TENM3: variants seen among roughly 807,000 people sequenced by gnomAD.
TENM3 encodes the protein teneurin transmembrane protein 3, also known as teneurin-3.
A neutral mutation model predicts 255.1 loss-of-function variants in TENM3; 63 were observed. That is an observed-to-expected ratio of 0.25 (90% CI 0.20 to 0.30). The LOEUF (loss-of-function observed/expected upper bound fraction) is 0.30. TENM3 is among the 10% of genes least tolerant of loss of function. The pLI is 1.00. For synonymous variants in TENM3, 1,306 were observed against 1,322.3 expected (o/e 0.99, Z 0.27); for missense variants, 2,929 against 3,461.1 (o/e 0.85, Z 3.86).
chr4:182,186,818 C>G (rs1334843892), intron 1 of TENM3, among the ~76,000 whole-genome samples: 1 of 56,212 alleles, frequency 1.8e-5, no homozygotes, highest in African/African-American at 6.5e-5. Context: ...TATATATGGT[C>G]CTACCCTGTT....
intron 18 of TENM3, among the ~76,000 whole-genome samples, chr4:182,739,595 T>C (rs180776764): frequency 3.9e-5 from 6 of 152,374 alleles, no homozygotes; most frequent in Admixed American, 2.0e-4. Flanking sequence ...TAAATGTTTA[T>C]AGCTAATGGT....
the TENM3 span, among the ~76,000 whole-genome samples, chr4:181,692,943 A>G: frequency 6.6e-6 from 1 of 152,178 alleles, no homozygotes; most frequent in Non-Finnish European, 1.5e-5. Flanking sequence ...CTACTCGAAG[A>G]GTTCAGTGCT....
At chr4:182,759,808 G>A (rs10028158) in intron 22 of TENM3, among the ~76,000 whole-genome samples, 20,414 of 152,186 alleles carry the variant, frequency 0.13, 1,688 homozygotes, top group Non-Finnish European at 0.17. Context: ...GGTTTCTTTA[G>A]CATGGTAACT....
the TENM3 span, among the ~76,000 whole-genome samples, chr4:181,869,295 A>G: frequency 2.1e-4 from 32 of 152,136 alleles, no homozygotes; most frequent in African/African-American, 7.5e-4. Context: ...AGTCCTCTAT[A>G]TACCTATGTC....
At chr4:182,769,073 A>T (rs1763957551) in intron 22 of TENM3, among the ~76,000 whole-genome samples, 1 of 152,246 alleles carries the variant, frequency 6.6e-6, no homozygotes. Context: ...CTAGTTCACC[A>T]CTAAGGCCAA....
At chr4:181,497,363 T>C in the TENM3 span, among the ~76,000 whole-genome samples, 1 of 152,202 alleles carries the variant, frequency 6.6e-6, no homozygotes, top group South Asian at 2.1e-4. Flanking sequence ...CTATAGAAGA[T>C]GCATATTTTT....
the TENM3 span, among the ~76,000 whole-genome samples, chr4:182,053,241 C>G: frequency 3.9e-5 from 6 of 152,290 alleles, no homozygotes; most frequent in Non-Finnish European, 7.3e-5. Context: ...AGTTGGAGGG[C>G]ATATTTCCCA....
At chr4:182,114,966 GA>G in the TENM3 span, among the ~76,000 whole-genome samples, 1,284 of 152,192 alleles carry the variant, frequency 8.4e-3, 11 homozygotes, top group South Asian at 0.02. Flanking sequence ...CAGATCACTT[GA>G]GGTCAGGAGT....
At chr4:182,083,137 G>A in the TENM3 span, among the ~76,000 whole-genome samples, 4 of 152,274 alleles carry the variant, frequency 2.6e-5, no homozygotes, top group African/African-American at 9.6e-5. Context: ...TATATTAGAA[G>A]ACCTACAACT....
chr4:182,695,541 G>A (rs1757337980), intron 12 of TENM3, among the ~76,000 whole-genome samples: 1 of 152,162 alleles, frequency 6.6e-6, no homozygotes, highest in Non-Finnish European at 1.5e-5. Context: ...CATATGAGGT[G>A]TGAAATCACT....
chr4:182,621,638 TA>T, intron 4 of TENM3, among the ~76,000 whole-genome samples: 1 of 67,836 alleles, frequency 1.5e-5, no homozygotes, highest in Non-Finnish European at 3.1e-5. Context: ...ATATATAATA[TA>T]TAATACATAT....
chr4:182,522,232 ATTATT>A (rs1241314688), intron 3 of TENM3, among the ~76,000 whole-genome samples: 6 of 152,150 alleles, frequency 3.9e-5, no homozygotes, highest in African/African-American at 1.2e-4. Flanking sequence ...TATACAGTGA[ATTATT>A]ATTAACTATC....
the TENM3 span, among the ~76,000 whole-genome samples, chr4:181,780,119 C>A: frequency 0.014 from 2,083 of 152,246 alleles, 45 homozygotes; most frequent in African/African-American, 0.047. Flanking sequence ...GTCTTTATAG[C>A]AGCATGATTT....
chr4:182,338,003 G>C (rs992245508), intron 2 of TENM3, among the ~76,000 whole-genome samples: 1 of 152,008 alleles, frequency 6.6e-6, no homozygotes, highest in Non-Finnish European at 1.5e-5. Context: ...GAGCTTTGTG[G>C]GAGTGATCTT....
the TENM3 span, among the ~76,000 whole-genome samples, chr4:181,553,247 A>G: frequency 7.0e-6 from 1 of 142,428 alleles, no homozygotes; most frequent in Non-Finnish European, 1.5e-5. Context: ...TCAGGTCGCT[A>G]TTATAGTCAT....
At chr4:181,821,248 C>T in the TENM3 span, among the ~76,000 whole-genome samples, 1 of 152,190 alleles carries the variant, frequency 6.6e-6, no homozygotes, top group African/African-American at 2.4e-5. Context: ...TCCCCAGATT[C>T]CCCGCTCCTG....
intron 5 of TENM3, among the ~76,000 whole-genome samples, chr4:182,641,501 A>ACATAAACATTTGTTT (rs1752307033): frequency 6.6e-6 from 1 of 151,950 alleles, no homozygotes; most frequent in Non-Finnish European, 1.5e-5. Context: ...AACATTTGTT[A>ACATAAACATTTGTTT]CATAAAAGTA....
chr4:181,780,577 T>G, the TENM3 span, among the ~76,000 whole-genome samples: 39 of 152,300 alleles, frequency 2.6e-4, no homozygotes, highest in Non-Finnish European at 4.0e-4. Context: ...TTTCTCCCAT[T>G]CTGTAGGTTG....
At chr4:182,655,667 A>G (rs918187994) in intron 6 of TENM3, among the ~76,000 whole-genome samples, 1 of 152,190 alleles carries the variant, frequency 6.6e-6, no homozygotes, top group African/African-American at 2.4e-5. Context: ...GCTGCCTAGG[A>G]TCCTATCAGT....
Sources: allele counts gnomAD v4.1 joint callset (sites outside exome capture counted in the v4.1 genomes callset), GRCh38; gene constraint gnomAD v4.1.1; transcripts MANE v1.5; gene names NCBI Gene and HGNC (gene_info 2026-07-23, HGNC 2026-07-21).